EML4: variants seen among roughly 807,000 people sequenced by gnomAD.
EML4 encodes echinoderm microtubule-associated protein-like 4.
Under a neutral mutation model 129.0 loss-of-function variants are expected in EML4, and 72 were observed. That is an observed-to-expected ratio of 0.56 (90% CI 0.46 to 0.68). EML4 has a LOEUF of 0.68. Among genes scored for constraint, EML4 ranks in the 30% least tolerant of loss-of-function variants. The pLI is 0.00. For missense variants in EML4, 1,363 were observed against 1,190.6 expected, an observed-to-expected ratio of 1.14 and a Z score of -2.13; for synonymous variants, 532 against 405.0, an observed-to-expected ratio of 1.31 and a Z score of -3.77.
rs531460082 is a variant in EML4, at chr2:42,286,791, G to A, written c.1122+412G>A. Among the ~76,000 whole-genome samples, 3 of 152,174 alleles carry A rather than the reference G, an allele frequency of 2.0e-5. No individual in the cohort carries two copies. The South Asian group carries it at 6.2e-4, about 32-fold the overall frequency. On this transcript the variant is annotated intron_variant, in intron 10 of 22. Transcript: ENST00000318522. ...ACTTGGCCAGTTCTGTACAAATATT[G>A]GCTTTTCTTGATGTCATATTTGAGC...
intron 1 of EML4, among the ~76,000 whole-genome samples, chr2:42,192,232 GTT>G (rs1312027435): frequency 1.8e-4 from 23 of 126,320 alleles, no homozygotes; most frequent in African/African-American, 5.1e-4. Flanking sequence ...TTGTTTTTTT[GTT>G]TTTTTTTTTG....
intron 17 of EML4, among the ~76,000 whole-genome samples, chr2:42,312,579 GGTCTTGCTCTGTC>G (rs1669021271): frequency 6.6e-6 from 1 of 150,830 alleles, no homozygotes; most frequent in African/African-American, 2.4e-5. Flanking sequence ...TTTTAGACGG[GGTCTTGCTCTGTC>G]GCCCAGGCTG....
Position 42,231,428 on chromosome 2 carries a change from A to G in EML4, c.26-14077A>G, listed in dbSNP as rs137966460. 7.6e-3 allele frequency among the ~76,000 whole-genome samples: 1,154 copies of G among 152,304 alleles called. 3 individuals carry two copies. The highest frequency in any genetic ancestry group is 0.02 in the Middle Eastern group (6 of 294). ...TCTATCTTAAGCCCAAGACCTAGTT[A>G]TACTTTTGTTATAATGACCTCAAAC... On this transcript the variant is annotated intron_variant, in intron 1 of 22. Transcript: ENST00000318522.
chr2:42,245,775 A>T (rs1675365934), intron 2 of EML4, 88 bp downstream of exon 2: 1 of 1,237,606 alleles, frequency 8.1e-7, no homozygotes. Context: ...CTAGTTTCTT[A>T]TGTGGATTAC....
At chr2:42,203,640 C>CTTTTT (rs3038374) in intron 1 of EML4, among the ~76,000 whole-genome samples, 1 of 141,386 alleles carries the variant, frequency 7.1e-6, no homozygotes. Flanking sequence ...ATAGCCACCC[C>CTTTTT]TTTTTTTTTT....
intron 1 of EML4, among the ~76,000 whole-genome samples, chr2:42,230,348 A>T (rs1674252910): frequency 6.6e-6 from 1 of 152,094 alleles, no homozygotes; most frequent in Non-Finnish European, 1.5e-5. Context: ...CAATATTATG[A>T]GTTGTGTGGT....
intron 2 of EML4, among the ~76,000 whole-genome samples, 188 bp from the exon 3 acceptor site, chr2:42,256,313 G>A (rs1676145792): frequency 6.6e-6 from 1 of 152,094 alleles, no homozygotes; most frequent in Admixed American, 6.5e-5. Context: ...CTGTTTCGAT[G>A]GGATTAAGTC....
At chr2:42,243,929 A>G (rs1433287926) in intron 1 of EML4, among the ~76,000 whole-genome samples, 1 of 152,192 alleles carries the variant, frequency 6.6e-6, no homozygotes, top group African/African-American at 2.4e-5. Flanking sequence ...AGTCATTTAA[A>G]TGATCTCAGT....
intron 7 of EML4, among the ~76,000 whole-genome samples, chr2:42,282,230 A>ATT (rs946060786): frequency 6.7e-6 from 1 of 150,048 alleles, no homozygotes. Flanking sequence ...TAGGGCCTAC[A>ATT]TTTTTTTTGT....
Position 42,245,661 on chromosome 2 carries a change from CAGT to C in EML4, c.183_185del (p.Val62del), listed in dbSNP as rs1218722656. On this transcript the variant is annotated inframe_deletion, in exon 2 of 23. Transcript: ENST00000318522. ...GCAATCTCTGAAGATCATGTGGCCT[CAGT>C]GAAAAAATCAGTCTCAAGTAAAGGT... is the stretch of plus-strand genomic sequence containing the variant. The C allele has an allele frequency of 1.7e-5, 27 of 1,608,670 alleles. No individual in the cohort carries two copies. The highest frequency in any genetic ancestry group is 2.1e-5 in the Non-Finnish European group (25 of 1,177,734).
At chr2:42,241,457 A>G (rs1027551752) in intron 1 of EML4, among the ~76,000 whole-genome samples, 4 of 152,192 alleles carry the variant, frequency 2.6e-5, no homozygotes, top group African/African-American at 4.8e-5. Context: ...GATAGGAGAC[A>G]TACTTGTTCT....
At chr2:42,264,373 C>T (rs1468314092) in intron 5 of EML4, among the ~76,000 whole-genome samples, 2 of 152,126 alleles carry the variant, frequency 1.3e-5, no homozygotes, top group African/African-American at 4.8e-5. Flanking sequence ...CTGCTTCAGC[C>T]TCCCAAAGTG....
At chr2:42,217,898 A>G (rs897784319) in intron 1 of EML4, among the ~76,000 whole-genome samples, 3 of 152,240 alleles carry the variant, frequency 2.0e-5, no homozygotes, top group African/African-American at 7.2e-5. Context: ...GGTGCTGATC[A>G]TCTCACTTTT....
intron 4 of EML4, among the ~76,000 whole-genome samples, chr2:42,262,916 G>A (rs1433957273): frequency 1.3e-5 from 2 of 151,868 alleles, no homozygotes; most frequent in African/African-American, 4.8e-5. Flanking sequence ...ATTTTTTTCT[G>A]TTAACAAAAG....
chr2:42,238,491 C>T (rs1674816029), intron 1 of EML4, among the ~76,000 whole-genome samples: 2 of 152,120 alleles, frequency 1.3e-5, no homozygotes, highest in African/African-American at 2.4e-5. Context: ...GCCTGTAATT[C>T]CAGCACTTTG....
intron 1 of EML4, among the ~76,000 whole-genome samples, chr2:42,234,079 G>A (rs1558525365): frequency 6.6e-6 from 1 of 152,208 alleles, no homozygotes; most frequent in Non-Finnish European, 1.5e-5. Context: ...AGCAGCCCAG[G>A]TTTTTTGTCT....
intron 1 of EML4, among the ~76,000 whole-genome samples, chr2:42,196,392 C>A (rs1558492466): frequency 6.6e-6 from 1 of 152,170 alleles, no homozygotes. Flanking sequence ...GCCCTTCTGT[C>A]TCCAGGTTCT....
chr2:42,293,142 C>G (rs557568946), intron 11 of EML4, among the ~76,000 whole-genome samples: 1 of 151,612 alleles, frequency 6.6e-6, no homozygotes, highest in Non-Finnish European at 1.5e-5. Context: ...CAGGGTCTCA[C>G]GCGTCACCCA....
chr2:42,180,347 C>T (rs577125606), intron 1 of EML4, among the ~76,000 whole-genome samples: 8 of 152,086 alleles, frequency 5.3e-5, no homozygotes, highest in African/African-American at 1.9e-4. Context: ...TTTGTTTGGC[C>T]CTTTTGAGTG....
Sources: gnomAD v4.1 joint callset for allele counts (sites outside exome capture counted in the v4.1 genomes callset) on GRCh38, gnomAD v4.1.1 for gene constraint, MANE v1.5 for transcripts, NCBI Gene and HGNC (gene_info 2026-07-23, HGNC 2026-07-21) for gene names.